ATRN: variants seen among roughly 807,000 people sequenced by gnomAD.
ATRN encodes the protein attractin-2.
ATRN carries 54 observed loss-of-function variants against 178.7 expected under a neutral mutation model. The ratio of observed to expected loss-of-function variants is 0.30; its 90% CI spans 0.24 to 0.38. The LOEUF (loss-of-function observed/expected upper bound fraction) is 0.38. ATRN is among the 10% of genes least tolerant of loss of function. The pLI, the probability that ATRN is intolerant of heterozygous loss-of-function variation, is 1.00. For missense variants in ATRN, 1,443 were observed against 1,815.1 expected, an observed-to-expected ratio of 0.79 and a Z score of 3.73; for synonymous variants, 636 against 663.0, an observed-to-expected ratio of 0.96 and a Z score of 0.63.
At chr20:3,477,979 CTTAT>C (rs1291908061) in intron 1 of ATRN, among the ~76,000 whole-genome samples, 6 of 152,152 alleles carry the variant, frequency 3.9e-5, no homozygotes, top group African/African-American at 9.7e-5. Flanking sequence ...TTTGTACTTC[CTTAT>C]TTGTTTTAGC....
chr20:3,636,743 A>T (rs994233767), intron 26 of ATRN, among the ~76,000 whole-genome samples: 4 of 152,218 alleles, frequency 2.6e-5, no homozygotes, highest in African/African-American at 9.7e-5. Flanking sequence ...CTTACACCAC[A>T]TAGTTAACTA....
chr20:3,495,052 G>A (rs1428213404), intron 1 of ATRN, among the ~76,000 whole-genome samples: 1 of 152,006 alleles, frequency 6.6e-6, no homozygotes, highest in East Asian at 1.9e-4. Flanking sequence ...ATTTATAATG[G>A]TTGTAGCTTT....
At position 3,563,349 on chromosome 20, in the gene ATRN, TG is replaced by T. The variant is rs1326592987; in HGVS notation, c.1774del (p.Ala592ProfsTer67). 6.2e-7 allele frequency: 1 copy of T among 1,613,984 alleles called. No homozygotes were observed. The highest frequency in any genetic ancestry group is 1.3e-5 in the African/African-American group (1 of 74,932). ...GCCAAATGCTTCTCTTCAGATTTCA[TG>T]GCCTATGACATTGGTAAGTTTCCCA... ...HGAKCFSSDF[M>X]AYDIACDRWS... On this transcript the variant is annotated frameshift_variant, in exon 10 of 29. Coordinates refer to ENST00000262919, the MANE Select transcript of ATRN (RefSeq NM_139321.3). LOFTEE classifies it high-confidence loss of function.
chr20:3,557,411 G>C (rs1201292281), intron 6 of ATRN, among the ~76,000 whole-genome samples: 3 of 152,148 alleles, frequency 2.0e-5, no homozygotes, highest in African/African-American at 7.2e-5. Flanking sequence ...CGAAGTTCTG[G>C]AGGAAAAAAA....
At chr20:3,501,975 G>A (rs974649071) in intron 1 of ATRN, among the ~76,000 whole-genome samples, 4 of 152,130 alleles carry the variant, frequency 2.6e-5, no homozygotes, top group Admixed American at 2.6e-4. Flanking sequence ...CTCTTACAAA[G>A]GCTGAAGCCC....
At chr20:3,630,916 C>CTTTTTTTTTTTTTTTTTTTTTTTTT (rs368394749) in intron 25 of ATRN, among the ~76,000 whole-genome samples, 2 of 43,426 alleles carry the variant, frequency 4.6e-5, no homozygotes, top group African/African-American at 9.9e-5. Context: ...ATTTATTTAG[C>CTTTTTTTTTTTTTTTTTTTTTTTTT]TTTTTTTTTT....
intron 11 of ATRN, among the ~76,000 whole-genome samples, chr20:3,569,188 C>T (rs1371702384): frequency 1.3e-5 from 2 of 152,176 alleles, no homozygotes; most frequent in African/African-American, 4.8e-5. Flanking sequence ...GGTCATGTGT[C>T]ACTGAATGAT....
At chr20:3,536,530 TC>T (rs1428511028) in intron 2 of ATRN, among the ~76,000 whole-genome samples, 28 of 152,230 alleles carry the variant, frequency 1.8e-4, no homozygotes, top group African/African-American at 6.3e-4. Flanking sequence ...TTTATGTTTT[TC>T]TATTTGTGTT....
At chr20:3,609,704 GTA>G (rs1465010326) in intron 24 of ATRN, among the ~76,000 whole-genome samples, 14 of 119,182 alleles carry the variant, frequency 1.2e-4, no homozygotes, top group African/African-American at 4.9e-4. Flanking sequence ...ACAAAATGTG[GTA>G]TGTATGTATG....
At position 3,612,975 on chromosome 20, in the gene ATRN, C is replaced by G. The variant is rs1276701642; in HGVS notation, c.3801+8713C>G. On this transcript the variant is annotated intron_variant, in intron 24 of 28. Coordinates refer to ENST00000262919, the MANE Select transcript of ATRN (RefSeq NM_139321.3). ...TCCCAGTTCCCTATTGCTCCACCCT[C>G]TGAAAGTCACTGAAGTGGTTTTAGA... is the stretch of plus-strand genomic sequence containing the variant. 3.9e-5 allele frequency among the ~76,000 whole-genome samples: 6 copies of G among 152,186 alleles called. No homozygotes were observed. In the East Asian group the frequency reaches 1.2e-3, roughly 29 times the overall value.
At chr20:3,486,501 G>A (rs758124662) in intron 1 of ATRN, among the ~76,000 whole-genome samples, 4 of 151,786 alleles carry the variant, frequency 2.6e-5, no homozygotes, top group South Asian at 2.1e-4. Flanking sequence ...TCTGTTTCCC[G>A]AGTTCAAGCG....
At chr20:3,490,887 T>A in intron 1 of ATRN, 1 of 987,772 alleles carries the variant, frequency 1.0e-6, no homozygotes, top group Non-Finnish European at 1.6e-6. Flanking sequence ...TTGCATGGCC[T>A]GAGTGCGGTG....
chr20:3,635,892 A>ATGAATTACG (rs1478974039), intron 26 of ATRN, among the ~76,000 whole-genome samples: 1 of 152,248 alleles, frequency 6.6e-6, no homozygotes, highest in Non-Finnish European at 1.5e-5. Context: ...TAAAAGCCTA[A>ATGAATTACG]TGAATTACGT....
At chr20:3,580,726 G>C (rs538808846) in intron 15 of ATRN, among the ~76,000 whole-genome samples, 1 of 152,304 alleles carries the variant, frequency 6.6e-6, no homozygotes, top group Admixed American at 6.5e-5. Flanking sequence ...TTGCATGGTT[G>C]GCTGCAGGCT....
At chr20:3,481,791 CTTTT>C (rs780144563) in intron 1 of ATRN, among the ~76,000 whole-genome samples, 2 of 100,522 alleles carry the variant, frequency 2.0e-5, no homozygotes, top group African/African-American at 7.8e-5. Context: ...GGTGAATTTC[CTTTT>C]TTTTTTTTTT....
chr20:3,588,982 T>TTTTG (rs386393127), intron 18 of ATRN, among the ~76,000 whole-genome samples: 4 of 11,632 alleles, frequency 3.4e-4, no homozygotes, highest in South Asian at 8.8e-3. Flanking sequence ...TTTTCTTTTG[T>TTTTG]TTTTTTTTTT....
chr20:3,644,427 A>G (rs1047286634), intron 28 of ATRN, among the ~76,000 whole-genome samples, 159 bp downstream of exon 28: 3 of 152,216 alleles, frequency 2.0e-5, no homozygotes, highest in Non-Finnish European at 2.9e-5. Flanking sequence ...ATTTTCACCT[A>G]TATGCCCAAA....
At chr20:3,507,053 G>GTTT (rs1042386520) in intron 1 of ATRN, among the ~76,000 whole-genome samples, 1 of 138,708 alleles carries the variant, frequency 7.2e-6, no homozygotes, top group Non-Finnish European at 1.6e-5. Context: ...GGGAGGTTTT[G>GTTT]TTTTTTTTTT....
chr20:3,602,394 A>G (rs925243593), intron 23 of ATRN, among the ~76,000 whole-genome samples: 1 of 152,140 alleles, frequency 6.6e-6, no homozygotes, highest in Non-Finnish European at 1.5e-5. Context: ...GAGATAATAA[A>G]TGAAGTACTC....
Sources: gnomAD v4.1 joint callset for allele counts (sites outside exome capture counted in the v4.1 genomes callset) on GRCh38, gnomAD v4.1.1 for gene constraint, MANE v1.5 for transcripts, NCBI Gene and HGNC (gene_info 2026-07-23, HGNC 2026-07-21) for gene names.